The following COLEC12 variants were observed in gnomAD, a reference collection of about 807,000 sequenced individuals.
COLEC12 encodes the protein collectin subfamily member 12, also known as collectin-12.
Under a neutral mutation model 71.1 loss-of-function variants are expected in COLEC12, and 33 were observed. That is an observed-to-expected ratio of 0.46 (90% CI 0.35 to 0.62). The LOEUF (loss-of-function observed/expected upper bound fraction) is 0.62, where lower values mean the gene tolerates loss of function less well. Ranked by LOEUF, COLEC12 falls within the 20% of genes least tolerant of loss-of-function variation. The probability of loss-of-function intolerance (pLI) is 0.00; values close to 1 mark genes in which losing one functional copy is unlikely to be tolerated. For missense variants in COLEC12, 765 were observed against 916.1 expected (o/e 0.84, Z 2.13); for synonymous variants, 350 against 353.0 (o/e 0.99, Z 0.10).
intron 2 of COLEC12, among the ~76,000 whole-genome samples, chr18:410,416 G>A (rs1915869233): frequency 6.6e-6 from 1 of 151,502 alleles, no homozygotes; most frequent in South Asian, 2.1e-4. Context: ...AGAACTCACA[G>A]AACAACACAT....
intron 2 of COLEC12, among the ~76,000 whole-genome samples, chr18:415,080 T>C (rs1315333406): frequency 1.3e-5 from 2 of 152,190 alleles, no homozygotes; most frequent in African/African-American, 2.4e-5. Context: ...GGAATGAAGC[T>C]ATTATTTATG....
rs142753099 is a variant in COLEC12, at chr18:445,467, C to T, written c.58+35240G>A. Among the ~76,000 whole-genome samples the T allele has an allele frequency of 7.2e-3, 1,091 of 152,202 alleles. 9 individuals are homozygous for T. The highest frequency in any genetic ancestry group is 0.012 in the Non-Finnish European group (822 of 68,010). On this transcript the variant is annotated intron_variant, in intron 2 of 9. Transcript: ENST00000400256. ...ACACAACAGTTTATCAAGGTATAATCCCCACACCGTACAATATGCCCATTT... is the reference window on the plus strand; with the variant it reads ...ACACAACAGTTTATCAAGGTATAATTCCCACACCGTACAATATGCCCATTT...
chr18:460,779 G>T (rs1372258558), intron 2 of COLEC12, among the ~76,000 whole-genome samples: 3 of 52,994 alleles, frequency 5.7e-5, no homozygotes, highest in African/African-American at 2.6e-4. Context: ...TTCCTTTTTG[G>T]GTCTGCAGTG....
chr18:440,995 T>C (rs564992945), intron 2 of COLEC12, among the ~76,000 whole-genome samples: 4 of 151,982 alleles, frequency 2.6e-5, no homozygotes, highest in Non-Finnish European at 5.9e-5. Flanking sequence ...ACGCCTGTAA[T>C]CCCAGCACTT....
Position 436,937 on chromosome 18 carries a change from C to T in COLEC12, c.58+43770G>A, listed in dbSNP as rs114038210. Among the ~76,000 whole-genome samples the T allele has an allele frequency of 7.3e-3, 1,105 of 152,290 alleles. 19 individuals carry two copies. The highest frequency in any genetic ancestry group is 0.026 in the African/African-American group (1,060 of 41,566). ...TTAATTAATTGATTTTGCCATAAAA[C>T]GATGAGTAGCACAATACTTGTGCTT... On this transcript the variant is annotated intron_variant, in intron 2 of 9. Transcript: ENST00000400256.
chr18:436,523 AAAGG>A (rs1270209809), intron 2 of COLEC12, among the ~76,000 whole-genome samples: 1 of 32,374 alleles, frequency 3.1e-5, no homozygotes. Flanking sequence ...CTCAAAAAAA[AAAGG>A]GGGGGGGGGG....
chr18:489,807 T>C (rs1917587277), intron 1 of COLEC12, among the ~76,000 whole-genome samples: 1 of 152,102 alleles, frequency 6.6e-6, no homozygotes, highest in Admixed American at 6.6e-5. Context: ...CTGCAAGGGT[T>C]GTTAGGGGAA....
intron 2 of COLEC12, among the ~76,000 whole-genome samples, chr18:412,165 C>A (rs571340532): frequency 4.6e-5 from 7 of 152,188 alleles, no homozygotes; most frequent in African/African-American, 1.7e-4. Flanking sequence ...CAAGACACAT[C>A]CTAATTAAAC....
chr18:466,062 T>C lies in COLEC12; in HGVS notation c.58+14645A>G, dbSNP rs149655129. ...CGGCCTTGGGGACAGAGTGAGACCA[T>C]GTCTCAAAAAAAATAAAAAATAAAA... On this transcript the variant is annotated intron_variant, in intron 2 of 9. Transcript: ENST00000400256. 3.7e-3 allele frequency among the ~76,000 whole-genome samples: 560 copies of C among 151,628 alleles called. 5 individuals are homozygous for C. The highest frequency in any genetic ancestry group is 0.013 in the African/African-American group (538 of 41,320).
At chr18:421,173 T>C (rs1172628291) in intron 2 of COLEC12, among the ~76,000 whole-genome samples, 1 of 152,262 alleles carries the variant, frequency 6.6e-6, no homozygotes, top group Non-Finnish European at 1.5e-5. Flanking sequence ...GTTATATGCA[T>C]ATACTTTGAT....
chr18:481,386 C>T (rs988748589), intron 1 of COLEC12, among the ~76,000 whole-genome samples: 11 of 152,086 alleles, frequency 7.2e-5, no homozygotes, highest in African/African-American at 2.7e-4. Flanking sequence ...GTGGAAATTC[C>T]TAAATGCATA....
At chr18:329,837 C>T (rs567403593) in intron 8 of COLEC12, among the ~76,000 whole-genome samples, 29 of 152,278 alleles carry the variant, frequency 1.9e-4, no homozygotes, top group African/African-American at 6.3e-4. Context: ...CAGTGCTTTG[C>T]GAGGCCAAGG....
chr18:489,895 G>C (rs1917588787), intron 1 of COLEC12, among the ~76,000 whole-genome samples: 2 of 152,350 alleles, frequency 1.3e-5, no homozygotes, highest in Non-Finnish European at 2.9e-5. Context: ...TGAAAAAAAA[G>C]TGAAGCAAGA....
At position 346,083 on chromosome 18, in the gene COLEC12, C is replaced by T. The variant is rs1292297371; in HGVS notation, c.1327+212G>A. ...AGCAGACCCTCCAGCCACAGTCAAG[C>T]CTTCAGATGACTGCAGCTCTGGCTG... is the stretch of plus-strand genomic sequence containing the variant. On this transcript the variant is annotated intron_variant, in intron 5 of 9. Coordinates refer to ENST00000400256, the MANE Select transcript of COLEC12 (RefSeq NM_130386.3). This position sits in a 1 kb window ranked among gnomAD's most constrained non-coding sequence, Gnocchi z 4.0. 6.6e-6 allele frequency among the ~76,000 whole-genome samples: 1 copy of T among 152,208 alleles called. No individual in the cohort carries two copies. The highest frequency in any genetic ancestry group is 1.5e-5 in the Non-Finnish European group (1 of 68,046).
At chr18:395,171 A>T (rs1915543820) in intron 2 of COLEC12, among the ~76,000 whole-genome samples, 1 of 152,238 alleles carries the variant, frequency 6.6e-6, no homozygotes, top group Admixed American at 6.5e-5. Flanking sequence ...GCAGAAATTT[A>T]GGACTCAGAC....
At chr18:486,868 G>A (rs1917528582) in intron 1 of COLEC12, among the ~76,000 whole-genome samples, 1 of 152,198 alleles carries the variant, frequency 6.6e-6, no homozygotes, top group South Asian at 2.1e-4. Flanking sequence ...TGCTGTTGGT[G>A]GGAATGTAAA....
intron 2 of COLEC12, among the ~76,000 whole-genome samples, chr18:417,552 A>C (rs1183038367): frequency 6.6e-6 from 1 of 151,706 alleles, no homozygotes; most frequent in African/African-American, 2.4e-5. Flanking sequence ...GCCATCATCA[A>C]CATGCCTGTC....
chr18:493,272 G>C (rs938286023), intron 1 of COLEC12, among the ~76,000 whole-genome samples: 13 of 152,110 alleles, frequency 8.5e-5, no homozygotes, highest in African/African-American at 3.1e-4. Context: ...TTGCTGTGTT[G>C]ATCTGGCTGA....
At chr18:496,404 T>A (rs1917713249) in intron 1 of COLEC12, among the ~76,000 whole-genome samples, 1 of 152,028 alleles carries the variant, frequency 6.6e-6, no homozygotes, top group Non-Finnish European at 1.5e-5. Context: ...AAGTCAAAAG[T>A]ATAATTAGAT....
Sources: allele counts gnomAD v4.1 joint callset (sites outside exome capture counted in the v4.1 genomes callset), GRCh38; gene constraint gnomAD v4.1.1; non-coding constraint Gnocchi (gnomAD v3.1); transcripts MANE v1.5; gene names NCBI Gene and HGNC (gene_info 2026-07-23, HGNC 2026-07-21).